Variants in FRZB observed in about 807,000 individuals in gnomAD.
FRZB encodes the protein frizzled related protein.
In FRZB, 34 loss-of-function variants were observed where a neutral mutation model predicts 32.5. That is an observed-to-expected ratio of 1.05 (90% CI 0.80 to 1.39). The LOEUF (loss-of-function observed/expected upper bound fraction) is 1.39. FRZB is among the 40% of genes most tolerant of loss of function. The probability of loss-of-function intolerance (pLI) is 0.00; values close to 1 mark genes in which losing one functional copy is unlikely to be tolerated. For synonymous variants in FRZB, 170 were observed against 159.2 expected, an observed-to-expected ratio of 1.07 and a Z score of -0.51; for missense variants, 423 against 424.8, an observed-to-expected ratio of 1.00 and a Z score of 0.04.
At position 182,838,012 on chromosome 2, in the gene FRZB, CTG is replaced by C. The variant is rs752760146; in HGVS notation, c.798-3_798-2del. ...TATAGAGCCTTCCACCAAGAGTAATCTGTATTTTTGAAAGAAGCAAACATTTT... is the reference window on the plus strand; with the variant it reads ...TATAGAGCCTTCCACCAAGAGTAATCTATTTTTGAAAGAAGCAAACATTTT... On this transcript the variant is annotated splice_acceptor_variant and splice_polypyrimidine_tract_variant and intron_variant, in intron 4 of 5. Coordinates refer to ENST00000295113, the MANE Select transcript of FRZB (RefSeq NM_001463.4). LOFTEE classifies it high-confidence loss of function. 71 of 1,609,440 alleles carry C rather than the reference CTG, an allele frequency of 4.4e-5. No individual in the cohort carries two copies. The highest frequency in any genetic ancestry group is 5.6e-5 in the Non-Finnish European group (66 of 1,177,750).
At chr2:182,853,784 G>T in intron 2 of FRZB, among the ~76,000 whole-genome samples, 1 of 152,124 alleles carries the variant, frequency 6.6e-6, no homozygotes, top group African/African-American at 2.4e-5. Flanking sequence ...TTATAAGGCA[G>T]GACATACTCA....
At chr2:182,851,392 A>G (rs1695708588) in intron 2 of FRZB, among the ~76,000 whole-genome samples, 2 of 152,348 alleles carry the variant, frequency 1.3e-5, no homozygotes, top group South Asian at 2.1e-4. Context: ...ACGGTGGCTC[A>G]CGCCTGTAAT....
chr2:182,863,635 C>T (rs1045059470), intron 1 of FRZB, among the ~76,000 whole-genome samples: 2 of 152,034 alleles, frequency 1.3e-5, no homozygotes, highest in African/African-American at 4.8e-5. Context: ...TCTAGTTGGA[C>T]AGATACTAGT....
intron 3 of FRZB, among the ~76,000 whole-genome samples, chr2:182,841,758 C>A (rs977511857): frequency 2.6e-5 from 4 of 151,902 alleles, no homozygotes; most frequent in Non-Finnish European, 4.4e-5. Flanking sequence ...TACTTAGGTT[C>A]GATAATCATT....
chr2:182,837,919 ATTACTTCAAACAT>A lies in FRZB; in HGVS notation c.861+16_861+28del. ...TCTACTTTTGTTTTGTTTTCTGTGT[ATTACTTCAAACAT>A]AAAATACAGGCTTACCTTAACTTTT... On this transcript the variant is annotated intron_variant, in intron 5 of 5. Coordinates refer to ENST00000295113, the MANE Select transcript of FRZB (RefSeq NM_001463.4). 1 of 1,577,752 alleles carries A rather than the reference ATTACTTCAAACAT, an allele frequency of 6.3e-7. No individual in the cohort carries two copies.
rs1561367 is a variant in FRZB, at chr2:182,837,963, G to A, written c.846C>T (p.Leu282=). The part of the protein sequence containing the change: ...GSIAEKWKDR[L]GKKVKRWDMK... ...ACAGGCTTACCTTAACTTTTTTACC[G>A]AGTCGATCCTTCCACTTCTCAGCTA... Residue 282 remains leucine, a synonymous_variant, in exon 5 of 6, where the codon CTC becomes CTT. Transcript: ENST00000295113. The A allele has an allele frequency of 8.2e-4, 1,326 of 1,611,098 alleles. 12 individuals are homozygous for A. The African/African-American group carries it at 0.015, about 18-fold the overall frequency.
In FRZB at chr2:182,866,481, C is replaced by T. The variant is rs779308370; in HGVS notation, c.72G>A (p.Leu24=). 3 of 1,554,434 alleles carry T rather than the reference C, an allele frequency of 1.9e-6. No individual in the cohort carries two copies. Among genetic ancestry groups the T allele is most frequent in the Middle Eastern group, 1.8e-4 (1 of 5,562 alleles). The change falls in exon 1 of 6, where the codon CTG becomes CTA. Residue 24 remains leucine (L), a synonymous_variant. Coordinates refer to ENST00000295113, the MANE Select transcript of FRZB (RefSeq NM_001463.4). This position sits in a 1 kb window ranked among gnomAD's most constrained non-coding sequence, Gnocchi z 4.5. The part of the protein sequence containing the change: ...AGLLALAALC[L]LRVPGARAAA... ...CAGCCCGAGCCCCGGGCACCCGGAG[C>T]AGGCAGAGAGCAGCCAGGGCAAGCA...
At chr2:182,841,606 A>C (rs996101981) in intron 3 of FRZB, among the ~76,000 whole-genome samples, 1 of 152,196 alleles carries the variant, frequency 6.6e-6, no homozygotes, top group African/African-American at 2.4e-5. Context: ...CATATGGAAT[A>C]CAGTAAATAT....
rs553061899 is a variant in FRZB, at chr2:182,839,214, T to C, written c.593-601A>G. Among the ~76,000 whole-genome samples, 3 of 152,216 alleles carry C rather than the reference T, an allele frequency of 2.0e-5. No homozygotes were observed. The East Asian group carries it at 5.8e-4, about 29-fold the overall frequency. On this transcript the variant is annotated intron_variant, in intron 3 of 5. Coordinates refer to ENST00000295113, the MANE Select transcript of FRZB (RefSeq NM_001463.4). ...GCTCACTGTTCAGATATTAGCTCCT[T>C]TCTTTCTTTGTGGTCAGTACAGATT...
At chr2:182,840,787 A>T (rs1484431517) in intron 3 of FRZB, among the ~76,000 whole-genome samples, 1 of 152,102 alleles carries the variant, frequency 6.6e-6, no homozygotes, top group African/African-American at 2.4e-5. Flanking sequence ...TTTTATTATG[A>T]TATTCATTCA....
At chr2:182,851,622 C>T (rs1031275354) in intron 2 of FRZB, among the ~76,000 whole-genome samples, 7 of 151,888 alleles carry the variant, frequency 4.6e-5, no homozygotes, top group African/African-American at 1.5e-4. Context: ...TGCTATTGCA[C>T]TCCAGCCTGA....
At chr2:182,848,105 G>A (rs990276495) in intron 2 of FRZB, among the ~76,000 whole-genome samples, 7 of 150,950 alleles carry the variant, frequency 4.6e-5, no homozygotes, top group Middle Eastern at 3.2e-3. Flanking sequence ...TGATGATACT[G>A]CAACAAATCA....
rs920075708 is a variant in FRZB at position 182,834,616 on chromosome 2, A to G, written c.*233T>C. 1 of 489,366 alleles carries G rather than the reference A, an allele frequency of 2.0e-6. No individual in the cohort carries two copies. The highest frequency in any genetic ancestry group is 3.7e-6 in the Non-Finnish European group (1 of 273,760). The allele number at this position is 489,366 out of a possible 1,614,324, so 30.3% of individuals were successfully genotyped here. A position where few individuals can be genotyped will look rare whatever the true frequency, so the allele number is the denominator to read the frequency against. Reference sequence around the variant, plus strand: ...AGAACAGTTTTTCTCATGATTAGTGAAATAGAAAACTCACAATATACTTAA... The same window carrying G: ...AGAACAGTTTTTCTCATGATTAGTGGAATAGAAAACTCACAATATACTTAA... On this transcript the variant is annotated 3_prime_UTR_variant, in exon 6 of 6. Coordinates refer to ENST00000295113, the MANE Select transcript of FRZB (RefSeq NM_001463.4).
chr2:182,849,448 T>G (rs976657889), intron 2 of FRZB, among the ~76,000 whole-genome samples: 1 of 152,134 alleles, frequency 6.6e-6, no homozygotes, highest in African/African-American at 2.4e-5. Context: ...TAAAAGGAAG[T>G]GTGTCTTGAC....
intron 2 of FRZB, among the ~76,000 whole-genome samples, chr2:182,857,572 G>C (rs1450631290): frequency 6.7e-6 from 1 of 149,438 alleles, no homozygotes; most frequent in African/African-American, 2.5e-5. Context: ...AGCTGAGATT[G>C]CATCACGGCA....
At chr2:182,861,352 C>T (rs73042110) in intron 1 of FRZB, among the ~76,000 whole-genome samples, 23,778 of 152,136 alleles carry the variant, frequency 0.16, 2,467 homozygotes, top group African/African-American at 0.3. Context: ...TTCCTTTTCT[C>T]CAAAATGGGA....
At chr2:182,842,422 TC>T (rs1213970337) in intron 3 of FRZB, 55 bp downstream of exon 3, 5 of 1,250,794 alleles carry the variant, frequency 4.0e-6, no homozygotes, top group Non-Finnish European at 4.7e-6. Flanking sequence ...CATAGGTGCA[TC>T]CACACACCTC....
At chr2:182,835,153 T>C (rs1284123972) in intron 5 of FRZB, among the ~76,000 whole-genome samples, 188 bp from the exon 6 acceptor site, 1 of 152,156 alleles carries the variant, frequency 6.6e-6, no homozygotes, top group African/African-American at 2.4e-5. Context: ...TCTCTGACTT[T>C]AACAAGCGCA....
chr2:182,844,146 C>T (rs1182682041), intron 2 of FRZB, among the ~76,000 whole-genome samples: 1 of 152,132 alleles, frequency 6.6e-6, no homozygotes, highest in Non-Finnish European at 1.5e-5. Context: ...AACTGTTGCT[C>T]TTGCCCATGA....
Sources: allele counts gnomAD v4.1 joint callset (sites outside exome capture counted in the v4.1 genomes callset), GRCh38; gene constraint gnomAD v4.1.1; non-coding constraint Gnocchi (gnomAD v3.1); transcripts MANE v1.5; gene names NCBI Gene and HGNC (gene_info 2026-07-23, HGNC 2026-07-21).